HIF3A: variants seen among roughly 807,000 people sequenced by gnomAD.
HIF3A encodes the protein hypoxia inducible factor 3 subunit alpha.
Under a neutral mutation model 67.2 loss-of-function variants are expected in HIF3A, and 41 were observed. That is an observed-to-expected ratio of 0.61 (90% confidence interval 0.48 to 0.79). The LOEUF (loss-of-function observed/expected upper bound fraction) is 0.79. Among genes scored for constraint, HIF3A ranks in the 30% least tolerant of loss-of-function variants. The pLI is 0.00. For synonymous variants in HIF3A, 356 were observed against 374.8 expected, an observed-to-expected ratio of 0.95 and a Z score of 0.58; for missense variants, 855 against 898.0, an observed-to-expected ratio of 0.95 and a Z score of 0.61.
At chr19:46,298,955 G>A (rs1056703005) in intron 1 of HIF3A, among the ~76,000 whole-genome samples, 7 of 152,224 alleles carry the variant, frequency 4.6e-5, no homozygotes, top group African/African-American at 2.4e-5. Context: ...ATGTGGGCAG[G>A]GACTGCCTGC....
intron 6 of HIF3A, among the ~76,000 whole-genome samples, chr19:46,311,240 C>T (rs955520473): frequency 1.3e-5 from 2 of 152,060 alleles, no homozygotes; most frequent in Admixed American, 6.6e-5. Context: ...TATATTACCA[C>T]GAACTCAGTG....
chr19:46,304,125 G>T, intron 2 of HIF3A, 37 bp downstream of exon 2: 1 of 1,524,096 alleles, frequency 6.6e-7, no homozygotes, highest in South Asian at 1.2e-5. Flanking sequence ...TCTTGGTCAG[G>T]CCCCGCCCAC....
At chr19:46,307,375 G>A (rs2147142150) in intron 3 of HIF3A, among the ~76,000 whole-genome samples, 1 of 152,280 alleles carries the variant, frequency 6.6e-6, no homozygotes, top group East Asian at 1.9e-4. Flanking sequence ...GCCAAGGTGG[G>A]AGGATCACTT....
At chr19:46,327,501 G>A (rs1353075433) in intron 11 of HIF3A, among the ~76,000 whole-genome samples, 1 of 151,958 alleles carries the variant, frequency 6.6e-6, no homozygotes, top group Non-Finnish European at 1.5e-5. Flanking sequence ...ATTTTTAGTA[G>A]AGATGTGGTT....
At chr19:46,329,515 C>T (rs1325622462) in intron 12 of HIF3A, 37 bp downstream of exon 12, 2 of 1,467,582 alleles carry the variant, frequency 1.4e-6, no homozygotes, top group Non-Finnish European at 1.8e-6. Flanking sequence ...AAGGCAGCAT[C>T]CCCTCACCCC....
intron 3 of HIF3A, among the ~76,000 whole-genome samples, chr19:46,307,854 A>G (rs1969005260): frequency 6.6e-6 from 1 of 151,996 alleles, no homozygotes; most frequent in Admixed American, 6.6e-5. Context: ...TGAGCCCAGG[A>G]GGTTGAGGCT....
chr19:46,337,331 G>A (rs1253606478), intron 14 of HIF3A, among the ~76,000 whole-genome samples: 1 of 152,106 alleles, frequency 6.6e-6, no homozygotes, highest in Non-Finnish European at 1.5e-5. Context: ...GCTCACTGCA[G>A]CCTTGAACTC....
intron 13 of HIF3A, among the ~76,000 whole-genome samples, chr19:46,333,379 A>G (rs1047663834): frequency 6.6e-6 from 1 of 152,138 alleles, no homozygotes; most frequent in Non-Finnish European, 1.5e-5. Flanking sequence ...CCCTGGCCTG[A>G]AGGTGCAGGG....
chr19:46,335,759 C>T (rs1232296615), intron 14 of HIF3A, among the ~76,000 whole-genome samples: 5 of 151,742 alleles, frequency 3.3e-5, no homozygotes, highest in Admixed American at 1.3e-4. Context: ...TGCAAGAGGG[C>T]AGGGTGAGTG....
At position 46,308,276 on chromosome 19, in the gene HIF3A, A is replaced by T; in HGVS notation, c.419A>T (p.Glu140Val). 2 of 1,613,500 alleles carry T rather than the reference A, an allele frequency of 1.2e-6. No individual in the cohort carries two copies. The highest frequency in any genetic ancestry group is 1.3e-5 in the African/African-American group (1 of 74,954). The change falls in exon 4 of 15, where the codon GAG (glutamate) becomes GTG (valine). Residue 140 changes from glutamate to valine, a missense_variant. Coordinates refer to ENST00000377670, the MANE Select transcript of HIF3A (RefSeq NM_152795.4). Reference sequence around the variant, plus strand: ...TTCATCCACCCCTGTGACCAAGAGGAGCTTCAGGACGCCCTGACCCCCCAG... The same window carrying T: ...TTCATCCACCCCTGTGACCAAGAGGTGCTTCAGGACGCCCTGACCCCCCAG... ...FDFIHPCDQE[E>V]LQDALTPQQT...
chr19:46,298,207 CG>C (rs375159650), intron 1 of HIF3A: 46 of 313,116 alleles, frequency 1.5e-4, no homozygotes, highest in East Asian at 3.2e-4. Flanking sequence ...TGTTTCTAAC[CG>C]CCCCCATCCT....
intron 1 of HIF3A, among the ~76,000 whole-genome samples, chr19:46,302,600 G>T (rs11883335): frequency 1.3e-5 from 2 of 152,182 alleles, no homozygotes; most frequent in Admixed American, 1.3e-4. Context: ...GAGGCCAGGC[G>T]TGGTGGCTTA....
chr19:46,322,783 G>A (rs983983022), intron 10 of HIF3A, among the ~76,000 whole-genome samples: 7 of 152,060 alleles, frequency 4.6e-5, no homozygotes, highest in Admixed American at 2.6e-4. Context: ...ACAGTAATCA[G>A]GACAACACTT....
chr19:46,341,875 C>T lies in HIF3A; in HGVS notation c.*2253C>T, dbSNP rs893785999. On this transcript the variant is annotated 3_prime_UTR_variant, in exon 15 of 15. Transcript: ENST00000377670. Reference sequence around the variant, plus strand: ...GAGGGGCTGGTCTTGAACTCTTGACCTCAGATGATCCACCCGCCTCAGCCT... The same window carrying T: ...GAGGGGCTGGTCTTGAACTCTTGACTTCAGATGATCCACCCGCCTCAGCCT... 4.0e-5 allele frequency: 6 copies of T among 151,858 alleles called. No individual in the cohort carries two copies. Among genetic ancestry groups the T allele is most frequent in the Non-Finnish European group, 7.4e-5 (5 of 67,960 alleles). 9.4% of individuals were successfully genotyped at this position (151,858 alleles called of 1,614,324 possible). A position where few individuals can be genotyped will look rare whatever the true frequency, so the allele number is the denominator to read the frequency against.
Position 46,312,511 on chromosome 19 carries a change from A to G in HIF3A, c.883A>G (p.Ser295Gly). ...AVSKSIHTLL[S>G]KGQAVTGQYR... is the part of the protein sequence containing the mutation. ...CTCCCGATCCCCCTCCTCAGTGCTG[A>G]GCAAGGGCCAGGCAGTAACAGGGCA... The change falls in exon 8 of 15, where the codon AGC becomes GGC. Residue 295 changes from serine (S) to glycine (G), a missense_variant. Physicochemically the swap from Ser to Gly is moderately conservative, Grantham distance 56 (BLOSUM62 0). Coordinates refer to ENST00000377670, the MANE Select transcript of HIF3A (RefSeq NM_152795.4). The G allele has an allele frequency of 6.2e-7, 1 of 1,613,792 alleles. No individual in the cohort carries two copies. Among genetic ancestry groups the G allele is most frequent in the Non-Finnish European group, 8.5e-7 (1 of 1,179,956 alleles).
chr19:46,339,567 C>T lies in HIF3A; in HGVS notation c.1955C>T (p.Thr652Ile). The change falls in exon 15 of 15, where the codon ACT becomes ATT. Residue 652 changes from threonine (T) to isoleucine (I), a missense_variant. By Grantham distance (89) the Thr-to-Ile change is moderately conservative. Coordinates refer to ENST00000377670, the MANE Select transcript of HIF3A (RefSeq NM_152795.4). ...CTCTCTCCGTACTCAGACGAGGACACTACCCAGCCCGGGGGCCCCTTCCAG... is the reference window on the plus strand; with the variant it reads ...CTCTCTCCGTACTCAGACGAGGACATTACCCAGCCCGGGGGCCCCTTCCAG... ...SLLSPYSDED[T>I]TQPGGPFQPR... 3 of 1,609,984 alleles carry T rather than the reference C, an allele frequency of 1.9e-6. No individual in the cohort carries two copies. Among genetic ancestry groups the T allele is most frequent in the African/African-American group, 1.3e-5 (1 of 74,952 alleles).
At chr19:46,317,164 AC>A (rs958873090) in intron 8 of HIF3A, among the ~76,000 whole-genome samples, 1 of 151,318 alleles carries the variant, frequency 6.6e-6, no homozygotes, top group African/African-American at 2.4e-5. Context: ...CAAGCGACCC[AC>A]CCGCCTCGGC....
chr19:46,327,165 T>A (rs975431276), intron 11 of HIF3A, among the ~76,000 whole-genome samples: 7 of 151,350 alleles, frequency 4.6e-5, no homozygotes, highest in African/African-American at 1.7e-4. Flanking sequence ...AAAAAAAATA[T>A]ATATATATAT....
chr19:46,307,985 G>A (rs1301574739), intron 3 of HIF3A, among the ~76,000 whole-genome samples: 1 of 74,346 alleles, frequency 1.3e-5, no homozygotes, highest in Non-Finnish European at 3.4e-5. Flanking sequence ...CAGACAGACA[G>A]ACAGACAGAC....
Sources: allele counts gnomAD v4.1 joint callset (sites outside exome capture counted in the v4.1 genomes callset), GRCh38; gene constraint gnomAD v4.1.1; transcripts MANE v1.5; gene names NCBI Gene and HGNC (gene_info 2026-07-23, HGNC 2026-07-21).